The following MAPK10 variants were observed in gnomAD, a reference collection of about 807,000 sequenced individuals.
The protein encoded by MAPK10 is JNK3 alpha protein kinase.
In MAPK10, 25 loss-of-function variants were observed where a neutral mutation model predicts 59.3. That is an observed-to-expected ratio of 0.42 (90% confidence interval 0.31 to 0.59). MAPK10 has a LOEUF of 0.59. Ranked by LOEUF, MAPK10 falls within the 20% of genes least tolerant of loss-of-function variation. The probability of loss-of-function intolerance (pLI) is 0.15; values close to 1 mark genes in which losing one functional copy is unlikely to be tolerated. For synonymous variants in MAPK10, 190 were observed against 200.5 expected (o/e 0.95, Z 0.44); for missense variants, 351 against 568.9 (o/e 0.62, Z 3.90).
At chr4:86,349,449 G>A (rs553363569) in intron 2 of MAPK10, among the ~76,000 whole-genome samples, 4 of 152,200 alleles carry the variant, frequency 2.6e-5, no homozygotes, top group South Asian at 4.2e-4. Flanking sequence ...AGTGTCAGGC[G>A]CTGTATGAGG....
chr4:86,588,871 T>G (rs56296936), intron 1 of MAPK10, among the ~76,000 whole-genome samples: 33,915 of 152,180 alleles, frequency 0.22, 4,534 homozygotes, highest in Admixed American at 0.3. Context: ...CACTCATACC[T>G]CCTTCTAGTA....
intron 2 of MAPK10, among the ~76,000 whole-genome samples, chr4:86,272,804 G>T (rs1376721951): frequency 8.5e-5 from 13 of 152,050 alleles, no homozygotes. Flanking sequence ...AGCCATAGGA[G>T]GTCTCATAGG....
At chr4:86,057,371 C>A (rs571509063) in intron 11 of MAPK10, among the ~76,000 whole-genome samples, 1 of 150,338 alleles carries the variant, frequency 6.7e-6, no homozygotes, top group South Asian at 2.1e-4. Flanking sequence ...ATTCTCACTG[C>A]AGTTTAGTTA....
At chr4:86,020,020 A>G (rs192329658) in intron 13 of MAPK10, among the ~76,000 whole-genome samples, 1 of 152,328 alleles carries the variant, frequency 6.6e-6, no homozygotes, top group African/African-American at 2.4e-5. Flanking sequence ...AACATTGTGC[A>G]GCCATCACCA....
At chr4:86,192,023 C>G (rs1344816562) in intron 3 of MAPK10, 1 of 152,162 alleles carries the variant, frequency 6.6e-6, no homozygotes, top group East Asian at 1.9e-4. Flanking sequence ...TTCTCCTTCA[C>G]TTATGAAGCT....
intron 2 of MAPK10, among the ~76,000 whole-genome samples, chr4:86,275,274 A>C (rs778255153): frequency 2.6e-5 from 4 of 152,072 alleles, no homozygotes; most frequent in Non-Finnish European, 5.9e-5. Flanking sequence ...ATTGTAGCTA[A>C]TGTTGTGTAA....
At chr4:86,182,581 A>G (rs749875272) in intron 3 of MAPK10, among the ~76,000 whole-genome samples, 3 of 152,144 alleles carry the variant, frequency 2.0e-5, no homozygotes, top group Non-Finnish European at 2.9e-5. Flanking sequence ...GATCTGTGAG[A>G]TGCCCCAGGA....
At chr4:86,079,484 G>A (rs1348035324) in intron 9 of MAPK10, 1 of 151,994 alleles carries the variant, frequency 6.6e-6, no homozygotes, top group East Asian at 1.9e-4. Flanking sequence ...TTTATTTTTT[G>A]TAAATAGCAC....
intron 4 of MAPK10, among the ~76,000 whole-genome samples, chr4:86,114,255 C>T (rs1195537016): frequency 6.6e-6 from 1 of 152,224 alleles, no homozygotes; most frequent in Non-Finnish European, 1.5e-5. Flanking sequence ...TCTGTGCCCC[C>T]ACTGGAGAGG....
chr4:86,211,940 G>C (rs1465332332), intron 2 of MAPK10, among the ~76,000 whole-genome samples: 1 of 151,870 alleles, frequency 6.6e-6, no homozygotes, highest in African/African-American at 2.4e-5. Context: ...ACAAAAAACA[G>C]TTATAGAATC....
At chr4:86,521,118 G>A (rs577188970) in intron 1 of MAPK10, among the ~76,000 whole-genome samples, 8 of 152,322 alleles carry the variant, frequency 5.3e-5, no homozygotes, top group African/African-American at 1.9e-4. Context: ...CTTTCATGTG[G>A]ACAGGCTCAG....
intron 1 of MAPK10, among the ~76,000 whole-genome samples, chr4:86,530,050 C>A (rs559361628): frequency 1.2e-3 from 173 of 144,194 alleles, no homozygotes; most frequent in African/African-American, 3.9e-3. Flanking sequence ...ACTCAAGGGG[C>A]TTTTGGTTTT....
chr4:86,275,876 G>C (rs985417736), intron 2 of MAPK10, among the ~76,000 whole-genome samples: 1 of 151,712 alleles, frequency 6.6e-6, no homozygotes, highest in African/African-American at 2.4e-5. Context: ...ATTTGATTTG[G>C]TATTTAAATA....
rs889997261 is a variant in MAPK10, at chr4:86,123,171, A to G, written c.237-15819T>C. On this transcript the variant is annotated intron_variant, in intron 4 of 13. Coordinates refer to ENST00000641462, the MANE Select transcript of MAPK10 (RefSeq NM_138982.4). ...GTATTTGTCTTTCCGTGTCTGGTTTATTTTCCTTAACATAAAGTCCTCCAG... is the reference window on the plus strand; with the variant it reads ...GTATTTGTCTTTCCGTGTCTGGTTTGTTTTCCTTAACATAAAGTCCTCCAG... Among the ~76,000 whole-genome samples, 5 of 151,986 alleles carry G rather than the reference A, an allele frequency of 3.3e-5. No individual in the cohort carries two copies. The South Asian group carries it at 1.0e-3, about 32-fold the overall frequency.
At chr4:86,573,247 G>A (rs763665014) in intron 1 of MAPK10, among the ~76,000 whole-genome samples, 17 of 151,972 alleles carry the variant, frequency 1.1e-4, no homozygotes, top group Non-Finnish European at 1.8e-4. Context: ...AATTTATATC[G>A]CTTTAGGTTT....
At chr4:86,245,823 C>T (rs1327140299) in intron 2 of MAPK10, among the ~76,000 whole-genome samples, 3 of 152,088 alleles carry the variant, frequency 2.0e-5, no homozygotes, top group Non-Finnish European at 4.4e-5. Flanking sequence ...TCCTTCTGGT[C>T]CAGTTTTCTG....
chr4:86,045,005 A>G (rs2148948005), intron 11 of MAPK10, among the ~76,000 whole-genome samples: 1 of 152,268 alleles, frequency 6.6e-6, no homozygotes, highest in Admixed American at 6.6e-5. Flanking sequence ...TTGCTTAGAG[A>G]CATCATAGCA....
chr4:86,527,941 G>T (rs1187082157), intron 1 of MAPK10, among the ~76,000 whole-genome samples: 1 of 152,178 alleles, frequency 6.6e-6, no homozygotes, highest in Non-Finnish European at 1.5e-5. Flanking sequence ...ATAAATGGGT[G>T]CTAAACCTCT....
At chr4:86,145,361 CAAAAAAAAAAAA>C (rs1166418131) in intron 4 of MAPK10, among the ~76,000 whole-genome samples, 1 of 55,340 alleles carries the variant, frequency 1.8e-5, no homozygotes, top group Non-Finnish European at 3.7e-5. Context: ...GACACCGTCT[CAAAAAAAAAAAA>C]AAAAAAAAAA....
Sources: gnomAD v4.1 joint callset for allele counts (sites outside exome capture counted in the v4.1 genomes callset) on GRCh38, gnomAD v4.1.1 for gene constraint, MANE v1.5 for transcripts, NCBI Gene and HGNC (gene_info 2026-07-23, HGNC 2026-07-21) for gene names.